IKBKB-DT: variants seen among roughly 807,000 people sequenced by gnomAD.
The protein encoded by IKBKB-DT is IKBKB divergent transcript, also known as IKBKB antisense RNA.
intron 3 of IKBKB-DT, among the ~76,000 whole-genome samples, chr8:42,235,205 CTTT>C (rs746414963): frequency 1.0e-5 from 1 of 99,400 alleles, no homozygotes; most frequent in Admixed American, 1.1e-4. Flanking sequence ...CTTTTATTTT[CTTT>C]TTTTTTTTTT....
intron 3 of IKBKB-DT, among the ~76,000 whole-genome samples, chr8:42,240,493 T>C (rs1806986930): frequency 6.6e-6 from 1 of 150,900 alleles, no homozygotes; most frequent in Non-Finnish European, 1.5e-5. Flanking sequence ...GGCATGGTGG[T>C]GGACGCCTGT....
At chr8:42,256,717 C>T (rs778778893) in intron 3 of IKBKB-DT, among the ~76,000 whole-genome samples, 2 of 152,014 alleles carry the variant, frequency 1.3e-5, no homozygotes, top group Admixed American at 6.6e-5. Context: ...GGAAGTTGAA[C>T]GGTATGATCT....
intron 2 of IKBKB-DT, among the ~76,000 whole-genome samples, chr8:42,265,087 C>CCCTGA (rs1344903788): frequency 1.3e-5 from 2 of 151,032 alleles, no homozygotes; most frequent in African/African-American, 4.9e-5. Context: ...GGTCTCAAAC[C>CCCTGA]CCTGACCTCA....
At chr8:42,267,004 G>GTTTTTTTTTTTTTT (rs527900913) in intron 1 of IKBKB-DT, among the ~76,000 whole-genome samples, 1 of 125,602 alleles carries the variant, frequency 8.0e-6, no homozygotes, top group Non-Finnish European at 1.6e-5. Context: ...TTTTTTTTTT[G>GTTTTTTTTTTTTTT]TTTTTTTTTT....
intron 3 of IKBKB-DT, among the ~76,000 whole-genome samples, chr8:42,234,109 T>C (rs1175250530): frequency 6.6e-6 from 1 of 152,210 alleles, no homozygotes; most frequent in Non-Finnish European, 1.5e-5. Flanking sequence ...ATCGTCTTTG[T>C]TTTAAACCAT....
chr8:42,235,983 A>G (rs1221077627), intron 3 of IKBKB-DT, among the ~76,000 whole-genome samples: 1 of 152,144 alleles, frequency 6.6e-6, no homozygotes, highest in East Asian at 1.9e-4. Context: ...AGCTGAGATC[A>G]CACAACTGCC....
chr8:42,258,918 G>C (rs1364267590), intron 3 of IKBKB-DT, among the ~76,000 whole-genome samples: 1 of 152,140 alleles, frequency 6.6e-6, no homozygotes, highest in Non-Finnish European at 1.5e-5. Context: ...TAGAAATTAA[G>C]CAATCATGAA....
At chr8:42,252,169 C>T (rs914930939) in intron 3 of IKBKB-DT, among the ~76,000 whole-genome samples, 21 of 152,230 alleles carry the variant, frequency 1.4e-4, no homozygotes, top group African/African-American at 4.8e-4. Flanking sequence ...GAGACCCCAT[C>T]TGCATAATAA....
At chr8:42,269,457 A>ATGGGAGGGGAAGG (rs1554504334) in intron 1 of IKBKB-DT, among the ~76,000 whole-genome samples, 1 of 23,338 alleles carries the variant, frequency 4.3e-5, no homozygotes, top group Non-Finnish European at 7.3e-5. Flanking sequence ...AGGGGAGGGG[A>ATGGGAGGGGAAGG]GGGGAGGGGA....
chr8:42,263,751 T>C (rs777893964), intron 2 of IKBKB-DT, among the ~76,000 whole-genome samples: 6 of 152,208 alleles, frequency 3.9e-5, no homozygotes, highest in Non-Finnish European at 5.9e-5. Flanking sequence ...TTCTGGTGCA[T>C]TAGAGCCACA....
chr8:42,246,830 A>G (rs920754974), intron 3 of IKBKB-DT, among the ~76,000 whole-genome samples: 1 of 152,148 alleles, frequency 6.6e-6, no homozygotes, highest in African/African-American at 2.4e-5. Flanking sequence ...CAATTTTTCC[A>G]CGGACCTGGG....
intron 3 of IKBKB-DT, among the ~76,000 whole-genome samples, chr8:42,237,914 A>G (rs1806945466): frequency 6.7e-6 from 1 of 149,880 alleles, no homozygotes; most frequent in Non-Finnish European, 1.5e-5. Context: ...AGTCCCAGCT[A>G]CTCCAGAGGC....
chr8:42,261,190 G>T (rs190124905), intron 3 of IKBKB-DT, among the ~76,000 whole-genome samples: 2 of 152,236 alleles, frequency 1.3e-5, no homozygotes, highest in East Asian at 3.9e-4. Context: ...AGCTGGATGT[G>T]CTGGTGTACA....
chr8:42,271,073 T>A (rs1585477594), exon 1 of IKBKB-DT: 7 of 334,762 alleles, frequency 2.1e-5, no homozygotes, highest in East Asian at 1.5e-4. Context: ...AAGTAACTTG[T>A]CTAAAGAGAA....
At chr8:42,258,265 A>G (rs1403971100) in intron 3 of IKBKB-DT, among the ~76,000 whole-genome samples, 2 of 152,078 alleles carry the variant, frequency 1.3e-5, no homozygotes, top group Non-Finnish European at 1.5e-5. Context: ...CAACTTAATC[A>G]CACAAGATTC....
chr8:42,256,966 G>C (rs2129924746), intron 3 of IKBKB-DT, among the ~76,000 whole-genome samples: 1 of 152,162 alleles, frequency 6.6e-6, no homozygotes, highest in South Asian at 2.1e-4. Context: ...ACTTCAAATG[G>C]TCATGGTTAA....
intron 1 of IKBKB-DT, among the ~76,000 whole-genome samples, chr8:42,268,015 G>T (rs1379162307): frequency 6.6e-6 from 1 of 152,098 alleles, no homozygotes; most frequent in Non-Finnish European, 1.5e-5. Context: ...GGACATCTTG[G>T]TAAGTTTCTC....
chr8:42,260,491 C>T (rs572488234), intron 3 of IKBKB-DT, among the ~76,000 whole-genome samples: 35 of 151,942 alleles, frequency 2.3e-4, no homozygotes, highest in African/African-American at 8.4e-4. Flanking sequence ...TGGTGAAACT[C>T]CGTTTTAAAC....
chr8:42,262,501 G>A lies in IKBKB-DT; in HGVS notation n.1529+828C>T, dbSNP rs970679991. Among the ~76,000 whole-genome samples, 28 of 151,712 alleles carry A rather than the reference G, an allele frequency of 1.8e-4. 1 individual carries two copies. The highest frequency in any genetic ancestry group is 1.4e-3 in the Admixed American group (22 of 15,226). ...GTGGCCCAGGCTGGAGTACAACGGC[G>A]CAATCTTGGCTCACTGCAAGCTCCG... is the stretch of plus-strand genomic sequence containing the variant. On this transcript the variant is annotated intron_variant and non_coding_transcript_variant, in intron 3 of 3. Transcript: ENST00000518213.
Sources: allele counts gnomAD v4.1 joint callset (sites outside exome capture counted in the v4.1 genomes callset), GRCh38; gene constraint gnomAD v4.1.1; transcripts MANE v1.5; gene names NCBI Gene and HGNC (gene_info 2026-07-23, HGNC 2026-07-21).